FGF12: variants seen among roughly 807,000 people sequenced by gnomAD.
FGF12 encodes fibroblast growth factor 12B.
In FGF12, 14 loss-of-function variants were observed where a neutral mutation model predicts 23.6. The ratio of observed to expected loss-of-function variants is 0.59; its 90% CI spans 0.39 to 0.93. The LOEUF (loss-of-function observed/expected upper bound fraction) is 0.93. Among genes scored for constraint, FGF12 ranks in the 40% least tolerant of loss-of-function variants. The pLI is 0.00. For synonymous variants in FGF12, 62 were observed against 77.3 expected, an observed-to-expected ratio of 0.80 and a Z score of 1.04; for missense variants, 175 against 217.8, an observed-to-expected ratio of 0.80 and a Z score of 1.24.
intron 2 of FGF12, among the ~76,000 whole-genome samples, chr3:192,592,870 T>C (rs1713685802): frequency 2.0e-5 from 3 of 151,858 alleles, no homozygotes; most frequent in African/African-American, 4.8e-5. Context: ...ATTGTCTGCT[T>C]TGATGTCACA....
chr3:192,604,033 A>G (rs1005765684), intron 2 of FGF12, among the ~76,000 whole-genome samples: 1 of 152,090 alleles, frequency 6.6e-6, no homozygotes, highest in Non-Finnish European at 1.5e-5. Flanking sequence ...CCTTTCCCAG[A>G]GTATTAATAT....
At chr3:192,268,577 T>G in intron 4 of FGF12, 1 of 270,424 alleles carries the variant, frequency 3.7e-6, no homozygotes, top group Admixed American at 3.6e-5. Flanking sequence ...CTCTCTGAGT[T>G]TGCATGAGAT....
At chr3:192,344,260 T>A (rs1717842795) in intron 3 of FGF12, among the ~76,000 whole-genome samples, 1 of 152,202 alleles carries the variant, frequency 6.6e-6, no homozygotes, top group African/African-American at 2.4e-5. Context: ...GTTCTCATTG[T>A]TGTTTTCATA....
intron 2 of FGF12, among the ~76,000 whole-genome samples, chr3:192,423,751 G>A (rs1721606954): frequency 6.6e-6 from 1 of 152,048 alleles, no homozygotes; most frequent in Admixed American, 6.6e-5. Flanking sequence ...TCTGGTATAA[G>A]GTTTAATTTT....
chr3:192,472,296 A>G (rs1723197436), intron 2 of FGF12, among the ~76,000 whole-genome samples: 1 of 152,126 alleles, frequency 6.6e-6, no homozygotes, highest in South Asian at 2.1e-4. Context: ...GATTACAGGC[A>G]TAAGCCACCG....
chr3:192,178,545 C>T (rs1042709787), intron 4 of FGF12, among the ~76,000 whole-genome samples: 2 of 152,154 alleles, frequency 1.3e-5, no homozygotes, highest in African/African-American at 4.8e-5. Flanking sequence ...GTCACCCAGG[C>T]TGGAGTGCAG....
intron 4 of FGF12, among the ~76,000 whole-genome samples, chr3:192,248,431 T>C (rs1456893108): frequency 6.6e-6 from 1 of 152,230 alleles, no homozygotes; most frequent in Non-Finnish European, 1.5e-5. Flanking sequence ...TTACTAACAC[T>C]GAATATACTT....
chr3:192,720,662 A>ATC (rs1278106593), intron 2 of FGF12, among the ~76,000 whole-genome samples: 1 of 152,184 alleles, frequency 6.6e-6, no homozygotes, highest in Non-Finnish European at 1.5e-5. Flanking sequence ...CAGAAATGAA[A>ATC]TCTCTCTTCT....
At chr3:192,687,693 C>G (rs1004193338) in intron 2 of FGF12, among the ~76,000 whole-genome samples, 4 of 152,042 alleles carry the variant, frequency 2.6e-5, no homozygotes, top group Non-Finnish European at 5.9e-5. Flanking sequence ...GCAGGCCCCA[C>G]CCCCCAGCTC....
At chr3:192,355,892 G>C (rs146838474) in intron 3 of FGF12, among the ~76,000 whole-genome samples, 2 of 152,090 alleles carry the variant, frequency 1.3e-5, no homozygotes, top group African/African-American at 2.4e-5. Context: ...TGATTACAGG[G>C]TCTTGCTTTT....
intron 2 of FGF12, among the ~76,000 whole-genome samples, chr3:192,483,729 T>A (rs1420120333): frequency 1.3e-5 from 2 of 151,900 alleles, no homozygotes; most frequent in African/African-American, 2.4e-5. Flanking sequence ...TTGGATGCAT[T>A]AAAAGGAAGT....
chr3:192,205,673 T>G (rs1241257183), intron 4 of FGF12, among the ~76,000 whole-genome samples: 1 of 152,188 alleles, frequency 6.6e-6, no homozygotes, highest in East Asian at 1.9e-4. Context: ...TTGTGCCACC[T>G]CATGTTTTCG....
intron 5 of FGF12, among the ~76,000 whole-genome samples, chr3:192,167,748 TATATATATATATATATATATAAAA>T (rs1715265727): frequency 2.4e-4 from 6 of 25,492 alleles, no homozygotes; most frequent in South Asian, 1.8e-3. Context: ...TATATATATA[TATATATATATATATATATATAAAA>T]TTTTTTTTTT....
intron 2 of FGF12, among the ~76,000 whole-genome samples, chr3:192,669,748 T>C (rs1389922374): frequency 3.9e-5 from 6 of 152,256 alleles, no homozygotes; most frequent in African/African-American, 1.4e-4. Flanking sequence ...ATTATCATTT[T>C]CTTATGATAA....
chr3:192,148,646 A>C (rs1467803524), intron 5 of FGF12, among the ~76,000 whole-genome samples: 1 of 152,202 alleles, frequency 6.6e-6, no homozygotes, highest in Non-Finnish European at 1.5e-5. Flanking sequence ...AAACAAACAA[A>C]CAACTTGTCC....
At chr3:192,627,216 T>C (rs1715203122) in intron 2 of FGF12, among the ~76,000 whole-genome samples, 2 of 152,050 alleles carry the variant, frequency 1.3e-5, no homozygotes, top group South Asian at 4.1e-4. Flanking sequence ...GATATATAGT[T>C]TGTAATATAA....
At chr3:192,574,852 A>T (rs1415724264) in intron 2 of FGF12, among the ~76,000 whole-genome samples, 1 of 151,972 alleles carries the variant, frequency 6.6e-6, no homozygotes, top group Non-Finnish European at 1.5e-5. Context: ...CAGCAATCTC[A>T]TGAGAGACCC....
chr3:192,723,484 AT>A (rs988957033), intron 2 of FGF12, among the ~76,000 whole-genome samples: 89 of 152,256 alleles, frequency 5.8e-4, no homozygotes, highest in African/African-American at 2.1e-3. Flanking sequence ...AGAAATGACC[AT>A]TAGATTTTGT....
At chr3:192,381,485 T>C (rs909810560) in intron 2 of FGF12, among the ~76,000 whole-genome samples, 8 of 152,160 alleles carry the variant, frequency 5.3e-5, no homozygotes, top group South Asian at 4.1e-4. Context: ...CCTCGTGAAA[T>C]TGACCCTCTT....
Sources: gnomAD v4.1 joint callset for allele counts (sites outside exome capture counted in the v4.1 genomes callset) on GRCh38, gnomAD v4.1.1 for gene constraint, MANE v1.5 for transcripts, NCBI Gene and HGNC (gene_info 2026-07-23, HGNC 2026-07-21) for gene names.